The following ITGB8 variants were observed in gnomAD, a reference collection of about 807,000 sequenced individuals.
ITGB8 encodes the protein integrin beta-8.
In ITGB8, 30 loss-of-function variants were observed where a neutral mutation model predicts 89.5. The observed-to-expected ratio is 0.34, with a 90% CI of 0.25 to 0.45. ITGB8 has a LOEUF of 0.45. ITGB8 is among the 20% of genes least tolerant of loss of function. The probability of loss-of-function intolerance (pLI) is 1.00; values close to 1 mark genes in which losing one functional copy is unlikely to be tolerated. For synonymous variants in ITGB8, 335 were observed against 320.4 expected (o/e 1.05, Z -0.49); for missense variants, 836 against 933.3 (o/e 0.90, Z 1.36).
At chr7:20,340,847 C>G (rs1784734600) in intron 1 of ITGB8, among the ~76,000 whole-genome samples, 1 of 152,032 alleles carries the variant, frequency 6.6e-6, no homozygotes, top group Non-Finnish European at 1.5e-5. Context: ...TGAGGTCAAA[C>G]AAAGAAAATA....
intron 3 of ITGB8, among the ~76,000 whole-genome samples, chr7:20,367,676 G>C (rs956819626): frequency 1.4e-4 from 21 of 150,886 alleles, no homozygotes; most frequent in Admixed American, 1.3e-3. Context: ...AAAGTTCTTA[G>C]AGACTTTGTA....
At chr7:20,376,578 T>A (rs957800927) in intron 3 of ITGB8, among the ~76,000 whole-genome samples, 6 of 152,100 alleles carry the variant, frequency 3.9e-5, no homozygotes, top group African/African-American at 1.4e-4. Context: ...AATTATATGA[T>A]CCAAAGCCAA....
chr7:20,363,688 C>T lies in ITGB8; in HGVS notation c.179C>T (p.Ala60Val), dbSNP rs571679699. ...SNAASCARCLALGPECGWCVQ... is the reference protein window; with the variant it reads ...SNAASCARCLVLGPECGWCVQ... ...GCAGCATCCTGTGCCAGGTGCCTTG[C>T]GCTGGGTCCAGAATGTGGATGGTGT... Residue 60 changes from alanine to valine, a missense_variant, in exon 2 of 14, where the codon GCG becomes GTG. Transcript: ENST00000222573. The T allele has an allele frequency of 1.5e-5, 24 of 1,605,116 alleles. No individual in the cohort carries two copies. Among genetic ancestry groups the T allele is most frequent in the Admixed American group, 6.9e-5 (4 of 57,584 alleles).
At chr7:20,341,514 C>G (rs568202498) in intron 1 of ITGB8, among the ~76,000 whole-genome samples, 1 of 152,266 alleles carries the variant, frequency 6.6e-6, no homozygotes, top group African/African-American at 2.4e-5. Flanking sequence ...GCATTACTAC[C>G]AGTCTTTAGT....
intron 6 of ITGB8, among the ~76,000 whole-genome samples, chr7:20,385,094 C>T (rs1218655878): frequency 6.6e-6 from 1 of 152,220 alleles, no homozygotes; most frequent in Non-Finnish European, 1.5e-5. Context: ...TCTCCCCACC[C>T]AGCTTCTCCA....
chr7:20,360,915 C>CTTTTTTTTTTTTTTTTTTTTTGTTT (rs1167974755), intron 1 of ITGB8, among the ~76,000 whole-genome samples: 1 of 80,918 alleles, frequency 1.2e-5, no homozygotes, highest in African/African-American at 4.2e-5. Context: ...CAACTGCAGT[C>CTTTTTTTTTTTTTTTTTTTTTGTTT]TTTTTTTTTT....
At chr7:20,348,680 T>C (rs1562656393) in intron 1 of ITGB8, among the ~76,000 whole-genome samples, 1 of 152,146 alleles carries the variant, frequency 6.6e-6, no homozygotes, top group South Asian at 2.1e-4. Flanking sequence ...GATGAATACA[T>C]TGCAAATTTA....
chr7:20,384,748 C>A (rs951488759), intron 6 of ITGB8, among the ~76,000 whole-genome samples: 3 of 152,168 alleles, frequency 2.0e-5, no homozygotes, highest in Non-Finnish European at 4.4e-5. Flanking sequence ...CATTTCTTGT[C>A]TTTCTGGTTG....
At chr7:20,367,486 A>T (rs1785749051) in intron 3 of ITGB8, among the ~76,000 whole-genome samples, 1 of 152,166 alleles carries the variant, frequency 6.6e-6, no homozygotes, top group South Asian at 2.1e-4. Context: ...GCAAGGGGAC[A>T]TGTTTATTCC....
chr7:20,366,942 G>C, intron 2 of ITGB8, 70 bp from the exon 3 acceptor site: 1 of 1,016,638 alleles, frequency 9.8e-7, no homozygotes, highest in Non-Finnish European at 1.5e-6. Flanking sequence ...TGCAATATTT[G>C]CTATGTCATT....
Position 20,410,918 on chromosome 7 carries a change from T to C in ITGB8, c.*921T>C, listed in dbSNP as rs13247254. The C allele has an allele frequency of 0.23, 34,322 of 152,492 alleles. 4,596 individuals are homozygous for C. The highest frequency in any genetic ancestry group is 0.3 in the Non-Finnish European group (20,602 of 67,972). 9.4% of individuals were successfully genotyped at this position (152,492 alleles called of 1,614,324 possible). On this transcript the variant is annotated 3_prime_UTR_variant, in exon 14 of 14. Coordinates refer to ENST00000222573, the MANE Select transcript of ITGB8 (RefSeq NM_002214.3). ...TTTGGCCATTTCATTTATCTTATCA[T>C]TAATTCACAAGATAGTTAGAAATTC...
chr7:20,372,538 G>C (rs144078183), intron 3 of ITGB8, among the ~76,000 whole-genome samples: 1 of 146,332 alleles, frequency 6.8e-6, no homozygotes, highest in Non-Finnish European at 1.6e-5. Context: ...TTGAGAGAGA[G>C]AGACTTAAGC....
At chr7:20,332,294 T>C (rs1784430947) in intron 1 of ITGB8, among the ~76,000 whole-genome samples, 1 of 152,222 alleles carries the variant, frequency 6.6e-6, no homozygotes, top group Non-Finnish European at 1.5e-5. Flanking sequence ...TCTCCCTATC[T>C]TTCTAACATT....
rs1263729739 is a variant in ITGB8, at chr7:20,346,826, T to C, written c.127+14893T>C. 3 of 985,288 alleles carry C rather than the reference T, an allele frequency of 3.0e-6. No homozygotes were observed. In the African/African-American group the frequency reaches 5.2e-5, roughly 17 times the overall value. 61.0% of individuals were successfully genotyped at this position (985,288 alleles called of 1,614,324 possible). On this transcript the variant is annotated intron_variant, in intron 1 of 13. Coordinates refer to ENST00000222573, the MANE Select transcript of ITGB8 (RefSeq NM_002214.3). Reference sequence around the variant, plus strand: ...GTACATTGACCATGACATAGGACTTTAGGAGAAAAGCAAAGGAGAGCACCT... The same window carrying C: ...GTACATTGACCATGACATAGGACTTCAGGAGAAAAGCAAAGGAGAGCACCT...
intron 1 of ITGB8, among the ~76,000 whole-genome samples, chr7:20,362,966 A>G (rs1201239466): frequency 6.6e-6 from 1 of 152,230 alleles, no homozygotes; most frequent in East Asian, 1.9e-4. Context: ...TGAATTGGTC[A>G]TGATCTTAGA....
At chr7:20,373,083 T>C (rs1299734016) in intron 3 of ITGB8, among the ~76,000 whole-genome samples, 1 of 152,214 alleles carries the variant, frequency 6.6e-6, no homozygotes, top group Non-Finnish European at 1.5e-5. Flanking sequence ...GATTTATCAC[T>C]TTATTCTTCT....
In ITGB8 at chr7:20,391,384, A is replaced by T. The variant is rs1786847667; in HGVS notation, c.961-19A>T. On this transcript the variant is annotated intron_variant, in intron 6 of 13. Coordinates refer to ENST00000222573, the MANE Select transcript of ITGB8 (RefSeq NM_002214.3). ...GCTATGAAATTTCATTCCCTTATTTATTTTATTATTCATTACAGGAACACC... is the reference window on the plus strand; with the variant it reads ...GCTATGAAATTTCATTCCCTTATTTTTTTTATTATTCATTACAGGAACACC... 7.4e-7 allele frequency: 1 copy of T among 1,358,454 alleles called. No individual in the cohort carries two copies. Among genetic ancestry groups the T allele is most frequent in the South Asian group, 1.3e-5 (1 of 78,386 alleles). The allele number at this position is 1,358,454 out of a possible 1,614,324, so 84.2% of individuals were successfully genotyped here. A position where few individuals can be genotyped will look rare whatever the true frequency, so the allele number is the denominator to read the frequency against.
chr7:20,362,408 G>A, intron 1 of ITGB8, among the ~76,000 whole-genome samples: 1 of 152,172 alleles, frequency 6.6e-6, no homozygotes, highest in Non-Finnish European at 1.5e-5. Context: ...TTTTTAAAGG[G>A]ATGAACTTGG....
At position 20,410,065 on chromosome 7, in the gene ITGB8, TAA is replaced by T. The variant is rs963210956; in HGVS notation, c.*71_*72del. ...TAATTGCTCCTAAAGATTATAATTT[TAA>T]AAGTCACAGGAGGAGACAAATTGCT... is the stretch of plus-strand genomic sequence containing the variant. On this transcript the variant is annotated 3_prime_UTR_variant, in exon 14 of 14. Transcript: ENST00000222573. 6.6e-7 allele frequency: 1 copy of T among 1,519,668 alleles called. No homozygotes were observed. The highest frequency in any genetic ancestry group is 1.4e-5 in the African/African-American group (1 of 71,706). 94.1% of individuals were successfully genotyped at this position (1,519,668 alleles called of 1,614,324 possible).
Sources: allele counts gnomAD v4.1 joint callset (sites outside exome capture counted in the v4.1 genomes callset), GRCh38; gene constraint gnomAD v4.1.1; transcripts MANE v1.5; gene names NCBI Gene and HGNC (gene_info 2026-07-23, HGNC 2026-07-21).